The following SH3RF3 variants were observed in gnomAD, a reference collection of about 807,000 sequenced individuals.
The protein encoded by SH3RF3 is SH3 domain containing ring finger 3, also known as E3 ubiquitin-protein ligase SH3RF3.
SH3RF3 carries 29 observed loss-of-function variants against 66.3 expected under a neutral mutation model. The observed-to-expected ratio is 0.44, with a 90% CI of 0.33 to 0.60. The LOEUF (loss-of-function observed/expected upper bound fraction) is 0.60. Ranked by LOEUF, SH3RF3 falls within the 20% of genes least tolerant of loss-of-function variation. The pLI is 0.04. For missense variants in SH3RF3, 1,194 were observed against 1,190.9 expected (o/e 1.00, Z -0.04); for synonymous variants, 583 against 532.0 (o/e 1.10, Z -1.32).
At chr2:109,236,145 G>A (rs551733942) in intron 1 of SH3RF3, among the ~76,000 whole-genome samples, 1 of 152,262 alleles carries the variant, frequency 6.6e-6, no homozygotes, top group South Asian at 2.1e-4. Flanking sequence ...ATTTCTGGGG[G>A]ACATTTTTAG....
intron 1 of SH3RF3, among the ~76,000 whole-genome samples, chr2:109,322,091 G>A (rs1456810377): frequency 6.6e-6 from 1 of 152,082 alleles, no homozygotes; most frequent in Non-Finnish European, 1.5e-5. Flanking sequence ...GGAGAGAAGC[G>A]GGGAGAGGGA....
intron 1 of SH3RF3, among the ~76,000 whole-genome samples, chr2:109,228,524 C>T (rs1679427656): frequency 6.6e-6 from 1 of 152,194 alleles, no homozygotes; most frequent in African/African-American, 2.4e-5. Flanking sequence ...TCAGTTCTGA[C>T]CCCTTCCATG....
At position 109,234,485 on chromosome 2, in the gene SH3RF3, C is replaced by T. The variant is rs537157141; in HGVS notation, c.573+104372C>T. 1.7e-3 allele frequency among the ~76,000 whole-genome samples: 257 copies of T among 152,376 alleles called. 1 individual carries two copies. Among genetic ancestry groups the T allele is most frequent in the African/African-American group, 6.0e-3 (250 of 41,592 alleles). The stretch of plus-strand genomic sequence containing the variant: ...TTGGGGAACACTGGGCTAGAGAACA[C>T]ACATTCTTCTCAGCGAGTAGCTTGT... On this transcript the variant is annotated intron_variant, in intron 1 of 9. Coordinates refer to ENST00000309415, the MANE Select transcript of SH3RF3 (RefSeq NM_001099289.3).
chr2:109,452,827 G>A (rs1039186056), intron 8 of SH3RF3, among the ~76,000 whole-genome samples: 18 of 149,740 alleles, frequency 1.2e-4, no homozygotes, highest in Non-Finnish European at 2.5e-4. Flanking sequence ...CTGGGAGGCT[G>A]GTGCCAGGAG....
rs1331604968 is a variant in SH3RF3, at chr2:109,493,080, C to CCATA, written c.2480+2151_2480+2154dup. Among the ~76,000 whole-genome samples the CCATA allele has an allele frequency of 2.8e-4, 26 of 91,602 alleles. No individual in the cohort carries two copies. In the East Asian group the frequency reaches 9.4e-3, roughly 33 times the overall value. 60.1% of individuals were successfully genotyped at this position (91,602 alleles called of 152,430 possible). On this transcript the variant is annotated intron_variant, in intron 9 of 9. Coordinates refer to ENST00000309415, the MANE Select transcript of SH3RF3 (RefSeq NM_001099289.3). ...TACAAACACACACACCACACATACA[C>CCATA]CATACATACAAACATACACATACAC... is the stretch of plus-strand genomic sequence containing the variant.
At chr2:109,460,130 A>G (rs1343212769) in intron 8 of SH3RF3, among the ~76,000 whole-genome samples, 11 of 152,334 alleles carry the variant, frequency 7.2e-5, no homozygotes, top group Non-Finnish European at 1.5e-4. Context: ...TTCATTTGCT[A>G]TGGAGTGAGC....
intron 9 of SH3RF3, among the ~76,000 whole-genome samples, chr2:109,496,715 T>C (rs938127624): frequency 2.6e-5 from 4 of 152,216 alleles, no homozygotes; most frequent in African/African-American, 7.2e-5. Context: ...AGCAGAATAA[T>C]GGCCCCCAAA....
intron 1 of SH3RF3, among the ~76,000 whole-genome samples, chr2:109,199,582 T>TTAACC (rs1558953881): frequency 8.3e-3 from 4 of 480 alleles, no homozygotes; most frequent in Admixed American, 0.017. Context: ...TGGAATGGAA[T>TTAACC]GGAATGGAAT....
At chr2:109,408,998 G>A (rs1350905824) in intron 4 of SH3RF3, among the ~76,000 whole-genome samples, 1 of 152,214 alleles carries the variant, frequency 6.6e-6, no homozygotes, top group Non-Finnish European at 1.5e-5. Context: ...CTTAGCTGAG[G>A]CTTGGGAAGC....
intron 8 of SH3RF3, among the ~76,000 whole-genome samples, chr2:109,489,649 C>T (rs1679075140): frequency 6.6e-6 from 1 of 151,324 alleles, no homozygotes; most frequent in African/African-American, 2.4e-5. Context: ...GCATCACTGG[C>T]CTGCCCTGGG....
intron 1 of SH3RF3, among the ~76,000 whole-genome samples, chr2:109,209,456 A>G (rs532081976): frequency 6.6e-6 from 1 of 152,238 alleles, no homozygotes; most frequent in African/African-American, 2.4e-5. Context: ...ATGTGATGCC[A>G]TGGGTTGGGA....
chr2:109,478,245 C>T (rs372766380), intron 8 of SH3RF3, among the ~76,000 whole-genome samples: 2 of 152,262 alleles, frequency 1.3e-5, no homozygotes, highest in Non-Finnish European at 2.9e-5. Context: ...CATTCCTTCT[C>T]TCTCTCAGTT....
intron 5 of SH3RF3, among the ~76,000 whole-genome samples, chr2:109,425,917 A>G (rs1029396413): frequency 4.6e-5 from 7 of 151,230 alleles, no homozygotes; most frequent in Non-Finnish European, 1.0e-4. Context: ...TTTTTTCTTG[A>G]GATGGAGTTT....
At chr2:109,420,798 T>C (rs187255269) in intron 5 of SH3RF3, among the ~76,000 whole-genome samples, 1 of 152,258 alleles carries the variant, frequency 6.6e-6, no homozygotes, top group African/African-American at 2.4e-5. Flanking sequence ...TTGCCAAGCT[T>C]CAAAAGGTCT....
Position 109,420,334 on chromosome 2 carries a change from A to G in SH3RF3, c.1403+692A>G, listed in dbSNP as rs144391815. Among the ~76,000 whole-genome samples the G allele has an allele frequency of 2.6e-5, 4 of 152,280 alleles. No individual in the cohort carries two copies. In the East Asian group the frequency reaches 5.8e-4, roughly 22 times the overall value. ...GAAGTCTATGAACTTGGCAAACAAG[A>G]TGACATAATACAGAAAGTTCTGTGA... is the stretch of plus-strand genomic sequence containing the variant. On this transcript the variant is annotated intron_variant, in intron 5 of 9. Coordinates refer to ENST00000309415, the MANE Select transcript of SH3RF3 (RefSeq NM_001099289.3).
rs116874254 is a variant in SH3RF3 at position 109,392,991 on chromosome 2, C to T, written c.946-5599C>T. On this transcript the variant is annotated intron_variant, in intron 3 of 9. Coordinates refer to ENST00000309415, the MANE Select transcript of SH3RF3 (RefSeq NM_001099289.3). Reference sequence around the variant, plus strand: ...TCCCTCTCCACCGCCCCTGCTTAGTCTCCTGAAGAATGACGTGTTTTACAA... The same window carrying T: ...TCCCTCTCCACCGCCCCTGCTTAGTTTCCTGAAGAATGACGTGTTTTACAA... Among the ~76,000 whole-genome samples the T allele has an allele frequency of 7.3e-3, 1,110 of 152,336 alleles. 13 individuals carry two copies. Among genetic ancestry groups the T allele is most frequent in the East Asian group, 0.052 (269 of 5,182 alleles).
chr2:109,278,168 C>T (rs567247474), intron 1 of SH3RF3, among the ~76,000 whole-genome samples: 1 of 142,618 alleles, frequency 7.0e-6, no homozygotes, highest in Non-Finnish European at 1.6e-5. Flanking sequence ...TAGAGCAAGA[C>T]CCAATCTTAA....
chr2:109,295,660 C>T (rs1052080537), intron 1 of SH3RF3, among the ~76,000 whole-genome samples: 1 of 147,582 alleles, frequency 6.8e-6, no homozygotes, highest in Non-Finnish European at 1.5e-5. Flanking sequence ...AGGACAGGGG[C>T]CTGCTGCCTG....
chr2:109,213,482 C>G (rs1344761303), intron 1 of SH3RF3, among the ~76,000 whole-genome samples: 1 of 152,094 alleles, frequency 6.6e-6, no homozygotes, highest in Admixed American at 6.5e-5. Flanking sequence ...AGGACGTGGC[C>G]CCAGGATCTG....
Sources: allele counts gnomAD v4.1 joint callset (sites outside exome capture counted in the v4.1 genomes callset), GRCh38; gene constraint gnomAD v4.1.1; transcripts MANE v1.5; gene names NCBI Gene and HGNC (gene_info 2026-07-23, HGNC 2026-07-21).